Variants in AGK observed in about 807,000 individuals in gnomAD.
The protein encoded by AGK is acylglycerol kinase, mitochondrial.
A neutral mutation model predicts 66.4 loss-of-function variants in AGK; 52 were observed. The ratio of observed to expected loss-of-function variants is 0.78; its 90% CI spans 0.63 to 0.99. The LOEUF is 0.99. AGK is among the 50% of genes least tolerant of loss of function. The probability of loss-of-function intolerance (pLI) is 0.00; values close to 1 mark genes in which losing one functional copy is unlikely to be tolerated. For missense variants in AGK, 451 were observed against 506.6 expected (o/e 0.89, Z 1.05); for synonymous variants, 182 against 181.1 (o/e 1.00, Z -0.04).
At chr7:141,614,241 T>C (rs1796658117) in intron 7 of AGK, 63 bp downstream of exon 7, 2 of 1,239,784 alleles carry the variant, frequency 1.6e-6, no homozygotes, top group Admixed American at 5.1e-5. Flanking sequence ...ATTGCTTTTC[T>C]TTCTTTTACT....
chr7:141,588,204 A>G (rs970223236), intron 2 of AGK, among the ~76,000 whole-genome samples: 1 of 152,256 alleles, frequency 6.6e-6, no homozygotes, highest in African/African-American at 2.4e-5. Context: ...AGTTTAGAAG[A>G]AAAAGCATCT....
At position 141,605,168 on chromosome 7, in the gene AGK, G is replaced by A. The variant is rs117806624; in HGVS notation, c.297+3888G>A. ...AGATTATCCAGGTAGCACGCATTTCGGTTACTTATGTAAGGACTAGCCTAA... is the reference window on the plus strand; with the variant it reads ...AGATTATCCAGGTAGCACGCATTTCAGTTACTTATGTAAGGACTAGCCTAA... On this transcript the variant is annotated intron_variant, in intron 5 of 15. Transcript: ENST00000649286. Among the ~76,000 whole-genome samples, 33 of 152,108 alleles carry A rather than the reference G, an allele frequency of 2.2e-4. No homozygotes were observed. The East Asian group carries it at 6.2e-3, about 29-fold the overall frequency.
chr7:141,558,785 A>G (rs1190183430), intron 2 of AGK, among the ~76,000 whole-genome samples: 1 of 151,982 alleles, frequency 6.6e-6, no homozygotes, highest in African/African-American at 2.4e-5. Flanking sequence ...CCTCATCAAC[A>G]CTTGTTATTT....
intron 6 of AGK, 54 bp from the exon 7 acceptor site, chr7:141,614,092 A>G: frequency 7.8e-7 from 1 of 1,286,488 alleles, no homozygotes. Flanking sequence ...CAATTCTTTT[A>G]TTGTAAAGGA....
chr7:141,631,055 T>G (rs879549924), intron 9 of AGK, among the ~76,000 whole-genome samples: 4 of 152,182 alleles, frequency 2.6e-5, no homozygotes, highest in Non-Finnish European at 4.4e-5. Context: ...GAGGTGAGGT[T>G]TGTGAAATTC....
intron 13 of AGK, among the ~76,000 whole-genome samples, chr7:141,643,590 T>C (rs1167440683): frequency 6.6e-6 from 1 of 152,022 alleles, no homozygotes; most frequent in East Asian, 1.9e-4. Flanking sequence ...CAATGAGAAA[T>C]GGGCAAAGGA....
chr7:141,626,929 T>C (rs1221402809), intron 9 of AGK, among the ~76,000 whole-genome samples: 2 of 152,240 alleles, frequency 1.3e-5, no homozygotes, highest in East Asian at 1.9e-4. Flanking sequence ...AGTCTGTGTA[T>C]GTTCTTGTTC....
At chr7:141,582,073 A>T (rs1340227707) in intron 2 of AGK, among the ~76,000 whole-genome samples, 2 of 152,036 alleles carry the variant, frequency 1.3e-5, no homozygotes, top group African/African-American at 4.8e-5. Flanking sequence ...AGGCAACTGG[A>T]CAGTGTCAGT....
chr7:141,630,409 C>T (rs1797029922), intron 9 of AGK, among the ~76,000 whole-genome samples: 1 of 152,034 alleles, frequency 6.6e-6, no homozygotes, highest in African/African-American at 2.4e-5. Context: ...AGAGAATAAA[C>T]TTCAAATGTC....
chr7:141,635,301 AATC>A (rs200076548), intron 10 of AGK, among the ~76,000 whole-genome samples: 1,865 of 152,300 alleles, frequency 0.012, 44 homozygotes, highest in African/African-American at 0.041. Context: ...AGATATGAGA[AATC>A]ATTTCCTAGC....
rs1221005377 is a variant in AGK, at chr7:141,653,855, G to A, written c.*931G>A. On this transcript the variant is annotated 3_prime_UTR_variant, in exon 16 of 16. Coordinates refer to ENST00000649286, the MANE Select transcript of AGK (RefSeq NM_018238.4). ...GTTGACAAAGTATGTATTTGCTGGT[G>A]TCGTGTAAATATTGGTATTTTAAAA... is the stretch of plus-strand genomic sequence containing the variant. 6.6e-6 allele frequency: 1 copy of A among 152,198 alleles called. No homozygotes were observed. Among genetic ancestry groups the A allele is most frequent in the Non-Finnish European group, 1.5e-5 (1 of 68,034 alleles). The allele number at this position is 152,198 out of a possible 1,614,324, so 9.4% of individuals were successfully genotyped here.
At chr7:141,632,813 G>C (rs572422431) in intron 9 of AGK, among the ~76,000 whole-genome samples, 1 of 152,166 alleles carries the variant, frequency 6.6e-6, no homozygotes, top group Non-Finnish European at 1.5e-5. Context: ...GCAGATACTC[G>C]ACAAAGGGAT....
At chr7:141,576,760 C>T (rs1795747845) in intron 2 of AGK, among the ~76,000 whole-genome samples, 1 of 151,984 alleles carries the variant, frequency 6.6e-6, no homozygotes, top group South Asian at 2.1e-4. Context: ...AAAATTCAGG[C>T]CAGGCGTGGT....
At chr7:141,630,466 G>A (rs1797030917) in intron 9 of AGK, among the ~76,000 whole-genome samples, 1 of 152,128 alleles carries the variant, frequency 6.6e-6, no homozygotes. Flanking sequence ...TATTTAATTA[G>A]CTTGATTTAA....
At chr7:141,587,827 G>A (rs1796025222) in intron 2 of AGK, among the ~76,000 whole-genome samples, 1 of 152,202 alleles carries the variant, frequency 6.6e-6, no homozygotes, top group South Asian at 2.1e-4. Flanking sequence ...CACTAGGACA[G>A]GGAATGTTGG....
At chr7:141,581,922 A>G (rs1254105392) in intron 2 of AGK, among the ~76,000 whole-genome samples, 3 of 151,986 alleles carry the variant, frequency 2.0e-5, no homozygotes, top group Non-Finnish European at 4.4e-5. Context: ...TACCCACAAC[A>G]GTTATGGGGG....
In AGK at chr7:141,580,148, G is replaced by A. The variant is rs538896507; in HGVS notation, c.102-12998G>A. On this transcript the variant is annotated intron_variant, in intron 2 of 15. Coordinates refer to ENST00000649286, the MANE Select transcript of AGK (RefSeq NM_018238.4). The stretch of plus-strand genomic sequence containing the variant: ...CTCTTTTTGCCCATATAACAGCATG[G>A]TGGTGCAGGATATGGAAGGCATATT... Among the ~76,000 whole-genome samples, 8 of 152,104 alleles carry A rather than the reference G, an allele frequency of 5.3e-5. No homozygotes were observed. In the South Asian group the frequency reaches 1.7e-3, roughly 32 times the overall value.
intron 5 of AGK, among the ~76,000 whole-genome samples, chr7:141,610,415 A>G (rs1587125410): frequency 6.6e-6 from 1 of 152,136 alleles, no homozygotes; most frequent in Non-Finnish European, 1.5e-5. Flanking sequence ...GTCTATTGAA[A>G]TTTAGTGTTT....
intron 8 of AGK, 132 bp from the exon 9 acceptor site, chr7:141,621,600 G>C: frequency 1.5e-6 from 1 of 664,118 alleles, no homozygotes; most frequent in Non-Finnish European, 2.7e-6. Context: ...GAGGGGGAGA[G>C]AGAGAGAGGG....
Sources: allele counts gnomAD v4.1 joint callset (sites outside exome capture counted in the v4.1 genomes callset), GRCh38; gene constraint gnomAD v4.1.1; transcripts MANE v1.5; gene names NCBI Gene and HGNC (gene_info 2026-07-23, HGNC 2026-07-21).